HMGCLL1: variants seen among roughly 807,000 people sequenced by gnomAD.
HMGCLL1 encodes the protein 3-hydroxy-3-methylglutaryl-CoA lyase like 1.
HMGCLL1 carries 36 observed loss-of-function variants against 39.1 expected under a neutral mutation model. That is an observed-to-expected ratio of 0.92 (90% CI 0.71 to 1.22). HMGCLL1 has a LOEUF of 1.22. Ranked by LOEUF, HMGCLL1 falls within the 50% of genes most tolerant of loss-of-function variation. The pLI is 0.00. For missense variants in HMGCLL1, 451 were observed against 416.5 expected (o/e 1.08, Z -0.72); for synonymous variants, 149 against 144.0 (o/e 1.03, Z -0.25).
Position 55,503,505 on chromosome 6 carries a change from T to A in HMGCLL1, c.543-4206A>T, listed in dbSNP as rs987308279. On this transcript the variant is annotated intron_variant, in intron 5 of 8. Transcript: ENST00000274901. ...CTTTTTTTTTCTCAGCTAGGTGATA[T>A]GTTTTAAAAGTTATAAAATTTCTGT... Among the ~76,000 whole-genome samples the A allele has an allele frequency of 5.3e-5, 8 of 150,496 alleles. No individual in the cohort carries two copies. In the East Asian group the frequency reaches 1.6e-3, roughly 30 times the overall value.
At chr6:55,610,472 A>G in the HMGCLL1 span, among the ~76,000 whole-genome samples, 1 of 152,140 alleles carries the variant, frequency 6.6e-6, no homozygotes, top group South Asian at 2.1e-4. Flanking sequence ...AGGCAGGCAG[A>G]CAAGATTAGA....
At chr6:55,523,113 T>G (rs1348021061) in intron 3 of HMGCLL1, among the ~76,000 whole-genome samples, 3 of 151,060 alleles carry the variant, frequency 2.0e-5, no homozygotes, top group Non-Finnish European at 4.4e-5. Context: ...TTGATATGAC[T>G]GAGTCAAGCA....
chr6:55,627,962 A>ATATATACTATATATAT, the HMGCLL1 span, among the ~76,000 whole-genome samples: 1 of 324 alleles, frequency 3.1e-3, no homozygotes, highest in Non-Finnish European at 6.7e-3. Context: ...TATATATATA[A>ATATATACTATATATAT]TATATATATA....
chr6:55,490,007 G>T (rs1414120596), intron 7 of HMGCLL1, among the ~76,000 whole-genome samples: 1 of 152,068 alleles, frequency 6.6e-6, no homozygotes, highest in African/African-American at 2.4e-5. Flanking sequence ...TCAAGAAAAT[G>T]AAGCAGAAAA....
chr6:55,654,602 A>C, the HMGCLL1 span, among the ~76,000 whole-genome samples: 3 of 151,946 alleles, frequency 2.0e-5, no homozygotes, highest in African/African-American at 7.2e-5. Flanking sequence ...TGATATATTC[A>C]ATAGCATAGC....
At chr6:55,438,278 T>C (rs750326082) in intron 8 of HMGCLL1, among the ~76,000 whole-genome samples, 1 of 152,106 alleles carries the variant, frequency 6.6e-6, no homozygotes, top group Non-Finnish European at 1.5e-5. Flanking sequence ...GGGCAACAGC[T>C]GTTGGTGTTT....
chr6:55,472,038 TA>T (rs1454577113), intron 7 of HMGCLL1, among the ~76,000 whole-genome samples: 1 of 151,782 alleles, frequency 6.6e-6, no homozygotes, highest in Non-Finnish European at 1.5e-5. Context: ...AGAATCTATG[TA>T]CAAATTTTAT....
At chr6:55,484,980 T>G (rs1765944142) in intron 7 of HMGCLL1, among the ~76,000 whole-genome samples, 1 of 152,144 alleles carries the variant, frequency 6.6e-6, no homozygotes, top group African/African-American at 2.4e-5. Context: ...TCCTCTCTTA[T>G]TCTCTTCCTT....
chr6:55,571,116 GT>G (rs1377053277), intron 1 of HMGCLL1, among the ~76,000 whole-genome samples: 3 of 152,188 alleles, frequency 2.0e-5, no homozygotes, highest in Non-Finnish European at 4.4e-5. Context: ...TGAGATTTGG[GT>G]TGGGGACACA....
intron 7 of HMGCLL1, among the ~76,000 whole-genome samples, chr6:55,470,646 T>G (rs1054743283): frequency 6.6e-6 from 1 of 151,786 alleles, no homozygotes; most frequent in African/African-American, 2.4e-5. Flanking sequence ...CCATGCAGTT[T>G]AAGAAATAGG....
intron 3 of HMGCLL1, among the ~76,000 whole-genome samples, chr6:55,525,184 A>G (rs11963129): frequency 0.032 from 4,497 of 139,692 alleles, 200 homozygotes; most frequent in African/African-American, 0.11. Flanking sequence ...TGCGACACCC[A>G]CCGGGATATG....
the HMGCLL1 span, among the ~76,000 whole-genome samples, chr6:55,670,062 A>G: frequency 0.036 from 5,454 of 151,954 alleles, 166 homozygotes; most frequent in Non-Finnish European, 0.051. Flanking sequence ...GACAATACTG[A>G]AGACTATATA....
At chr6:55,646,938 T>C in the HMGCLL1 span, among the ~76,000 whole-genome samples, 1 of 151,618 alleles carries the variant, frequency 6.6e-6, no homozygotes, top group Non-Finnish European at 1.5e-5. Flanking sequence ...GATATTTCCT[T>C]GTTGATTTTC....
In HMGCLL1 at chr6:55,542,045, A is replaced by G. The variant is rs377158973; in HGVS notation, c.189+15T>C. On this transcript the variant is annotated intron_variant, in intron 2 of 8. Transcript: ENST00000274901. ...AATTTGTAGACAGCATTTGAAGTAA[A>G]TGATGTAAAACTACCTTTTCATTCT... 6.7e-7 allele frequency: 1 copy of G among 1,502,176 alleles called. No individual in the cohort carries two copies. The highest frequency in any genetic ancestry group is 9.2e-7 in the Non-Finnish European group (1 of 1,081,634). The allele number at this position is 1,502,176 out of a possible 1,614,324, so 93.1% of individuals were successfully genotyped here. A position where few individuals can be genotyped will look rare whatever the true frequency, so the allele number is the denominator to read the frequency against.
At chr6:55,551,312 G>A (rs4075709) in intron 1 of HMGCLL1, among the ~76,000 whole-genome samples, 100,808 of 151,550 alleles carry the variant, frequency 0.67, 34,035 homozygotes, top group Admixed American at 0.72. Flanking sequence ...TAGGAGGACC[G>A]CATAATAAGT....
At chr6:55,622,483 T>C in the HMGCLL1 span, among the ~76,000 whole-genome samples, 3 of 152,146 alleles carry the variant, frequency 2.0e-5, no homozygotes, top group Non-Finnish European at 4.4e-5. Context: ...TTATGAAGTA[T>C]GTTGAATTTT....
chr6:55,439,411 T>C, intron 8 of HMGCLL1, 23 bp downstream of exon 8: 2 of 1,593,864 alleles, frequency 1.3e-6, no homozygotes, highest in Non-Finnish European at 1.7e-6. Context: ...GCATGAATAT[T>C]AAAATACGTT....
the HMGCLL1 span, among the ~76,000 whole-genome samples, chr6:55,647,655 C>T: frequency 8.6e-5 from 13 of 150,534 alleles, no homozygotes; most frequent in East Asian, 3.9e-4. Flanking sequence ...CAAACAAACA[C>T]GCAAAAAGGA....
the HMGCLL1 span, among the ~76,000 whole-genome samples, chr6:55,646,267 A>AT: frequency 6.6e-6 from 1 of 151,486 alleles, no homozygotes; most frequent in East Asian, 1.9e-4. Context: ...AATTTTATTT[A>AT]TTTGGGTCTT....
Sources: allele counts gnomAD v4.1 joint callset (sites outside exome capture counted in the v4.1 genomes callset), GRCh38; gene constraint gnomAD v4.1.1; transcripts MANE v1.5; gene names NCBI Gene and HGNC (gene_info 2026-07-23, HGNC 2026-07-21).